The following UBXN2A variants were observed in gnomAD, a reference collection of about 807,000 sequenced individuals.
UBXN2A encodes the protein UBX domain-containing protein 2A.
A neutral mutation model predicts 28.4 loss-of-function variants in UBXN2A; 28 were observed. That is an observed-to-expected ratio of 0.99 (90% CI 0.73 to 1.35). The LOEUF is 1.35. Ranked by LOEUF, UBXN2A falls within the 40% of genes most tolerant of loss-of-function variation. The probability of loss-of-function intolerance (pLI) is 0.00; values close to 1 mark genes in which losing one functional copy is unlikely to be tolerated. For missense variants in UBXN2A, 253 were observed against 297.9 expected (o/e 0.85, Z 1.11); for synonymous variants, 97 against 103.6 (o/e 0.94, Z 0.39).
chr2:23,988,943 C>A (rs1048436960), intron 6 of UBXN2A, among the ~76,000 whole-genome samples: 1 of 152,034 alleles, frequency 6.6e-6, no homozygotes, highest in African/African-American at 2.4e-5. Context: ...GTTTTCAGCA[C>A]AAAATTTTTT....
chr2:23,940,258 T>G (rs1573526682), upstream of UBXN2A, among the ~76,000 whole-genome samples: 1 of 151,934 alleles, frequency 6.6e-6, no homozygotes, highest in South Asian at 2.1e-4. Flanking sequence ...CACTCTGGGT[T>G]CTCTGGTGAG....
intron 1 of UBXN2A, chr2:23,944,396 C>T (rs921618854): frequency 7.6e-7 from 1 of 1,322,506 alleles, no homozygotes; most frequent in Non-Finnish European, 1.1e-6. Context: ...TTATTGTATT[C>T]ACCCATCTTT....
At chr2:23,946,995 C>T (rs1706118963) in intron 1 of UBXN2A, among the ~76,000 whole-genome samples, 1 of 151,288 alleles carries the variant, frequency 6.6e-6, no homozygotes, top group Admixed American at 6.6e-5. Context: ...TCAAGCAACT[C>T]TCCTGCCTCA....
At chr2:23,946,543 C>T (rs1706089778) in intron 1 of UBXN2A, among the ~76,000 whole-genome samples, 1 of 151,608 alleles carries the variant, frequency 6.6e-6, no homozygotes, top group Admixed American at 6.6e-5. Context: ...GGATGGTCTC[C>T]ATCTCCTGAC....
intron 1 of UBXN2A, among the ~76,000 whole-genome samples, chr2:23,949,874 CA>C (rs34149974): frequency 6.4e-4 from 95 of 147,554 alleles, no homozygotes; most frequent in African/African-American, 2.1e-3. Flanking sequence ...GACTCTGTCT[CA>C]AAAAAAAAAA....
At chr2:23,961,816 G>A (rs1706935005) in intron 2 of UBXN2A, among the ~76,000 whole-genome samples, 1 of 149,866 alleles carries the variant, frequency 6.7e-6, no homozygotes, top group Non-Finnish European at 1.5e-5. Context: ...ATAGTGCTGG[G>A]ATTACAGGTG....
chr2:23,934,776 T>C (rs551796382), intron 1 of UBXN2A, among the ~76,000 whole-genome samples: 5 of 152,128 alleles, frequency 3.3e-5, no homozygotes, highest in African/African-American at 9.6e-5. Context: ...GAGATAAATA[T>C]AGTATAGAAA....
intron 6 of UBXN2A, among the ~76,000 whole-genome samples, chr2:23,987,788 A>G (rs1708189981): frequency 6.6e-6 from 1 of 151,346 alleles, no homozygotes; most frequent in Non-Finnish European, 1.5e-5. Context: ...AAAAAAAAAA[A>G]AAACAAAAAA....
At chr2:23,972,002 G>T (rs1014948342) in intron 3 of UBXN2A, among the ~76,000 whole-genome samples, 1 of 152,206 alleles carries the variant, frequency 6.6e-6, no homozygotes, top group African/African-American at 2.4e-5. Context: ...GGGAGGCTGA[G>T]TTGGGAGGAT....
chr2:23,969,734 C>T (rs1707332998), intron 2 of UBXN2A, among the ~76,000 whole-genome samples: 1 of 151,996 alleles, frequency 6.6e-6, no homozygotes, highest in African/African-American at 2.4e-5. Flanking sequence ...GGGGGAGAAT[C>T]ACTTGAGTCC....
At chr2:23,944,394 T>TCCA in intron 1 of UBXN2A, 1 of 1,323,446 alleles carries the variant, frequency 7.6e-7, no homozygotes, top group Non-Finnish European at 1.1e-6. Context: ...CATTATTGTA[T>TCCA]TCACCCATCT....
intron 6 of UBXN2A, among the ~76,000 whole-genome samples, chr2:23,995,554 G>T (rs763962745): frequency 6.6e-6 from 1 of 151,768 alleles, no homozygotes; most frequent in Admixed American, 6.6e-5. Flanking sequence ...TTAGCCAGGC[G>T]TGGTAGCGGG....
At position 23,977,016 on chromosome 2, in the gene UBXN2A, C is replaced by A. The variant is rs538162030; in HGVS notation, c.228C>A (p.Asp76Glu). 16 of 1,612,588 alleles carry A rather than the reference C, an allele frequency of 9.9e-6. No individual in the cohort carries two copies. In the East Asian group the frequency reaches 3.6e-4, roughly 36 times the overall value. The change falls in exon 4 of 7, where the codon GAC becomes GAA. Residue 76 changes from aspartate (D) to glutamate (E), a missense_variant. Physicochemically the swap from Asp to Glu is conservative, Grantham distance 45 (BLOSUM62 2). Coordinates refer to ENST00000309033, the MANE Select transcript of UBXN2A (RefSeq NM_181713.4). ...GGAAAAACGGATTCACCGTCAACGA[C>A]GATTTCAGAAGTTATTCCGATGGTG... ...KLWKNGFTVN[D>E]DFRSYSDGAS... is the part of the protein sequence containing the mutation.
At chr2:23,963,940 T>A (rs1331567423) in intron 2 of UBXN2A, among the ~76,000 whole-genome samples, 1 of 151,990 alleles carries the variant, frequency 6.6e-6, no homozygotes, top group African/African-American at 2.4e-5. Flanking sequence ...ACCAGCCTTG[T>A]TGACATAGTG....
At chr2:23,962,277 C>T (rs1224377451) in intron 2 of UBXN2A, among the ~76,000 whole-genome samples, 1 of 152,188 alleles carries the variant, frequency 6.6e-6, no homozygotes, top group Non-Finnish European at 1.5e-5. Flanking sequence ...TAATTCATAA[C>T]CTTATTTATG....
chr2:23,945,977 G>A (rs985024410), intron 1 of UBXN2A, among the ~76,000 whole-genome samples: 3 of 151,630 alleles, frequency 2.0e-5, no homozygotes, highest in Non-Finnish European at 4.4e-5. Flanking sequence ...GATTATAGGT[G>A]TGTGTTCCCA....
In UBXN2A at chr2:23,971,457, T is replaced by A. The variant is rs992525315; in HGVS notation, c.180+43T>A. The A allele has an allele frequency of 4.0e-6, 6 of 1,484,860 alleles. No individual in the cohort carries two copies. In the East Asian group the frequency reaches 1.2e-4, roughly 29 times the overall value. The allele number at this position is 1,484,860 out of a possible 1,614,324, so 92.0% of individuals were successfully genotyped here. A position where few individuals can be genotyped will look rare whatever the true frequency, so the allele number is the denominator to read the frequency against. On this transcript the variant is annotated intron_variant, in intron 3 of 6. Coordinates refer to ENST00000309033, the MANE Select transcript of UBXN2A (RefSeq NM_181713.4). ...ACTTTTCTTTTTCTTTCAGTGTTTC[T>A]CAATATATGGACCTGTTAGAGGGTC...
chr2:23,936,034 A>G (rs937478500), upstream of UBXN2A, among the ~76,000 whole-genome samples: 4 of 152,302 alleles, frequency 2.6e-5, no homozygotes, highest in East Asian at 5.8e-4. Flanking sequence ...CCTGGGTGAC[A>G]GAGGGAGGCT....
chr2:24,004,504 A>G lies in UBXN2A; in HGVS notation c.*4637A>G, dbSNP rs1005885250. The G allele has an allele frequency of 6.6e-6, 1 of 152,146 alleles. No individual in the cohort carries two copies. The highest frequency in any genetic ancestry group is 6.6e-5 in the Admixed American group (1 of 15,260). The allele number at this position is 152,146 out of a possible 1,614,324, so 9.4% of individuals were successfully genotyped here. ...CCCCGTCTATACTAAAAATACAAAA[A>G]TTAGCTGGGTGTAGTGGTGTGCGCC... On this transcript the variant is annotated 3_prime_UTR_variant, in exon 7 of 7. Transcript: ENST00000309033.
Sources: allele counts gnomAD v4.1 joint callset (sites outside exome capture counted in the v4.1 genomes callset), GRCh38; gene constraint gnomAD v4.1.1; transcripts MANE v1.5; gene names NCBI Gene and HGNC (gene_info 2026-07-23, HGNC 2026-07-21).